HIVEP3: variants seen among roughly 807,000 people sequenced by gnomAD.
HIVEP3 encodes HIVEP zinc finger 3, also known as transcription factor HIVEP3.
Under a neutral mutation model 152.8 loss-of-function variants are expected in HIVEP3, and 49 were observed. The observed-to-expected ratio is 0.32, with a 90% CI of 0.26 to 0.41. The LOEUF (loss-of-function observed/expected upper bound fraction) is 0.41. HIVEP3 is among the 10% of genes least tolerant of loss of function. HIVEP3 has a pLI of 1.00. For synonymous variants in HIVEP3, 1,269 were observed against 1,289.0 expected (o/e 0.98, Z 0.33); for missense variants, 2,790 against 3,103.3 (o/e 0.90, Z 2.40).
At chr1:42,018,901 T>C (rs1645538392) in intron 1 of HIVEP3, among the ~76,000 whole-genome samples, 1 of 152,118 alleles carries the variant, frequency 6.6e-6, no homozygotes, top group Non-Finnish European at 1.5e-5. Context: ...TTGTTGAAGA[T>C]GCTATATAAG....
chr1:41,586,241 C>T (rs1644505018), intron 3 of HIVEP3, among the ~76,000 whole-genome samples: 1 of 152,210 alleles, frequency 6.6e-6, no homozygotes, highest in South Asian at 2.1e-4. Context: ...CAGCTGCAAG[C>T]AGGGCAGTCT....
At chr1:41,775,068 GC>G (rs946529109) in intron 1 of HIVEP3, among the ~76,000 whole-genome samples, 1 of 152,026 alleles carries the variant, frequency 6.6e-6, no homozygotes, top group Non-Finnish European at 1.5e-5. Flanking sequence ...CTCCCAAAGT[GC>G]TGGAATTACA....
chr1:41,797,336 A>G (rs1384775866), intron 1 of HIVEP3, among the ~76,000 whole-genome samples: 1 of 152,178 alleles, frequency 6.6e-6, no homozygotes, highest in Non-Finnish European at 1.5e-5. Flanking sequence ...TTGAAGCCTC[A>G]CAGAGAGCAG....
Position 41,772,746 on chromosome 1 carries a change from C to T in HIVEP3, c.-800-71751G>A, listed in dbSNP as rs527695452. Among the ~76,000 whole-genome samples the T allele has an allele frequency of 2.6e-5, 4 of 152,226 alleles. No homozygotes were observed. In the East Asian group the frequency reaches 7.7e-4, roughly 29 times the overall value. Reference sequence around the variant, plus strand: ...CCAACATGGCAAAACCCCATCTCTACTAAAAATACAAAAATTACCCGGGTG... The same window carrying T: ...CCAACATGGCAAAACCCCATCTCTATTAAAAATACAAAAATTACCCGGGTG... On this transcript the variant is annotated intron_variant, in intron 1 of 8. Coordinates refer to ENST00000372583, the MANE Select transcript of HIVEP3 (RefSeq NM_024503.5).
chr1:42,033,776 G>C (rs1336186892), intron 1 of HIVEP3, among the ~76,000 whole-genome samples: 1 of 152,230 alleles, frequency 6.6e-6, no homozygotes, highest in Non-Finnish European at 1.5e-5. Context: ...ATATTGTACA[G>C]ACAGCAGGTA....
intron 1 of HIVEP3, among the ~76,000 whole-genome samples, chr1:41,739,169 C>A (rs1646961731): frequency 6.6e-6 from 1 of 152,260 alleles, no homozygotes. Context: ...TCTGCCCCTG[C>A]ATGGCCCCAG....
intron 1 of HIVEP3, among the ~76,000 whole-genome samples, chr1:41,984,047 C>T (rs2124511877): frequency 6.6e-6 from 1 of 152,342 alleles, no homozygotes; most frequent in East Asian, 1.9e-4. Context: ...TCTTGGCTCA[C>T]TGTAGCCTTG....
chr1:41,850,153 C>T (rs1009387452), intron 1 of HIVEP3, among the ~76,000 whole-genome samples: 6 of 152,186 alleles, frequency 3.9e-5, no homozygotes, highest in African/African-American at 1.4e-4. Flanking sequence ...GAGTTTCTAA[C>T]AAGTTCCCAA....
chr1:41,809,316 G>A (rs1341828205), intron 1 of HIVEP3, among the ~76,000 whole-genome samples: 3 of 152,206 alleles, frequency 2.0e-5, no homozygotes, highest in African/African-American at 7.2e-5. Flanking sequence ...GAGAGACTTG[G>A]AACAGTGTGA....
chr1:41,828,798 C>T (rs564765891), intron 1 of HIVEP3, among the ~76,000 whole-genome samples: 2 of 152,354 alleles, frequency 1.3e-5, no homozygotes, highest in South Asian at 4.1e-4. Context: ...GGCCAGTCTC[C>T]TAATTCTCCA....
intron 8 of HIVEP3, among the ~76,000 whole-genome samples, chr1:41,512,399 TA>T (rs1450909271): frequency 1.3e-5 from 2 of 152,168 alleles, no homozygotes; most frequent in Non-Finnish European, 2.9e-5. Flanking sequence ...CTGCCATGAG[TA>T]AAAGCTGCTT....
intron 1 of HIVEP3, among the ~76,000 whole-genome samples, chr1:41,861,111 C>T (rs952664695): frequency 4.6e-5 from 7 of 152,352 alleles, no homozygotes; most frequent in African/African-American, 1.4e-4. Flanking sequence ...CAGCCTATAG[C>T]ACTGCCTGTG....
intron 1 of HIVEP3, among the ~76,000 whole-genome samples, chr1:41,942,148 C>G (rs35109626): frequency 6.6e-6 from 1 of 152,180 alleles, no homozygotes; most frequent in Admixed American, 6.5e-5. Flanking sequence ...CTTTGGCAGT[C>G]TCATGCAGTC....
chr1:41,961,817 G>A (rs2124497962), intron 1 of HIVEP3, among the ~76,000 whole-genome samples: 1 of 152,338 alleles, frequency 6.6e-6, no homozygotes, highest in South Asian at 2.1e-4. Flanking sequence ...CAATAACATT[G>A]TCCAATAGCA....
rs935299967 is a variant in HIVEP3 at position 41,748,493 on chromosome 1, C to T, written c.-800-47498G>A. Among the ~76,000 whole-genome samples, 5 of 152,316 alleles carry T rather than the reference C, an allele frequency of 3.3e-5. No individual in the cohort carries two copies. In the East Asian group the frequency reaches 5.8e-4, roughly 18 times the overall value. The stretch of plus-strand genomic sequence containing the variant: ...CCTGCACAAAGCAATCAGGGGGCAG[C>T]GCTGTGAACAGAGACTTTAGAGTAA... On this transcript the variant is annotated intron_variant, in intron 1 of 8. Transcript: ENST00000372583.
intron 1 of HIVEP3, among the ~76,000 whole-genome samples, chr1:41,890,963 C>T (rs879621284): frequency 3.9e-5 from 6 of 152,190 alleles, no homozygotes; most frequent in Non-Finnish European, 5.9e-5. Flanking sequence ...TGCCTCTCTA[C>T]GGTCCTGCTT....
chr1:41,535,841 T>C (rs528909835), intron 5 of HIVEP3: 1 of 151,654 alleles, frequency 6.6e-6, no homozygotes, highest in Admixed American at 6.6e-5. Context: ...ACGCAAGGAC[T>C]GGACCCCAGA....
intron 1 of HIVEP3, among the ~76,000 whole-genome samples, chr1:41,915,487 CA>C (rs1644857521): frequency 6.6e-6 from 1 of 152,190 alleles, no homozygotes; most frequent in Non-Finnish European, 1.5e-5. Flanking sequence ...GTGCATTTGA[CA>C]AACTAATAAC....
At position 41,579,793 on chromosome 1, in the gene HIVEP3, G is replaced by A. The variant is rs1558078322; in HGVS notation, c.5005C>T (p.His1669Tyr). Reference sequence around the variant, plus strand: ...GGCACAAGCCTTCCTGCCTCAGGATGCGGAGCTGTGGCCATGGTGTATGTC... The same window carrying A: ...GGCACAAGCCTTCCTGCCTCAGGATACGGAGCTGTGGCCATGGTGTATGTC... The part of the protein sequence containing the change: ...KETYTMATAP[H>Y]PEAGRLVPSS... Residue 1669 changes from histidine (H) to tyrosine (Y), a missense_variant, in exon 4 of 9, where the codon CAT (histidine) becomes TAT (tyrosine). Around this residue, in one of 9 missense-constraint regions of HIVEP3, gnomAD observed 1,078 missense variants for 1,165.3 expected, o/e 0.93. Transcript: ENST00000372583. 2.5e-6 allele frequency: 4 copies of A among 1,607,860 alleles called. No individual in the cohort carries two copies. Among genetic ancestry groups the A allele is most frequent in the Admixed American group, 1.7e-5 (1 of 59,858 alleles).
Sources: allele counts gnomAD v4.1 joint callset (sites outside exome capture counted in the v4.1 genomes callset), GRCh38; gene constraint gnomAD v4.1.1; regional missense constraint gnomAD v4.1.1; transcripts MANE v1.5; gene names NCBI Gene and HGNC (gene_info 2026-07-23, HGNC 2026-07-21).